Variants in SGSM3 observed in about 807,000 individuals in gnomAD.
SGSM3 encodes small G protein signaling modulator 3.
A neutral mutation model predicts 100.5 loss-of-function variants in SGSM3; 96 were observed. That is an observed-to-expected ratio of 0.96 (90% confidence interval 0.81 to 1.13). The LOEUF (loss-of-function observed/expected upper bound fraction) is 1.13. SGSM3 is among the 50% of genes most tolerant of loss of function. The pLI, the probability that SGSM3 is intolerant of heterozygous loss-of-function variation, is 0.00. For missense variants in SGSM3, 1,001 were observed against 1,015.8 expected, an observed-to-expected ratio of 0.99 and a Z score of 0.20; for synonymous variants, 483 against 422.8, an observed-to-expected ratio of 1.14 and a Z score of -1.75.
chr22:40,397,139 C>T (rs2050150158), intron 1 of SGSM3, among the ~76,000 whole-genome samples: 1 of 152,162 alleles, frequency 6.6e-6, no homozygotes, highest in Non-Finnish European at 1.5e-5. Context: ...AAAACCTGCC[C>T]ACCCAGCTTA....
At chr22:40,401,542 G>C in intron 2 of SGSM3, 51 bp from the exon 3 acceptor site, 1 of 1,475,640 alleles carries the variant, frequency 6.8e-7, no homozygotes, top group African/African-American at 1.4e-5. Context: ...CACTGCGCCT[G>C]GCCTGCCTCT....
chr22:40,407,423 C>T lies in SGSM3; in HGVS notation c.1379C>T (p.Pro460Leu). 1.2e-6 allele frequency: 2 copies of T among 1,612,552 alleles called. No homozygotes were observed. The highest frequency in any genetic ancestry group is 1.7e-6 in the Non-Finnish European group (2 of 1,179,514). ...DPKNCSVELT[P>L]DYSMESHQRD... Reference sequence around the variant, plus strand: ...TGTTCACTGTGGCAGGAGCTGACTCCAGACTATAGCATGGAGAGCCACCAG... The same window carrying T: ...TGTTCACTGTGGCAGGAGCTGACTCTAGACTATAGCATGGAGAGCCACCAG... The change falls in exon 13 of 22, where the codon CCA becomes CTA. Residue 460 changes from proline to leucine, a missense_variant. Transcript: ENST00000248929. The surrounding 1 kb of genome is among the most constrained non-coding windows in gnomAD (Gnocchi z 4.7).
At chr22:40,373,732 C>G (rs973364510) in intron 1 of SGSM3, among the ~76,000 whole-genome samples, 3 of 151,604 alleles carry the variant, frequency 2.0e-5, no homozygotes, top group African/African-American at 7.3e-5. Flanking sequence ...TCTCCTGCCT[C>G]AGCCTCCCGA....
intron 1 of SGSM3, among the ~76,000 whole-genome samples, chr22:40,385,757 G>C (rs1304328588): frequency 6.6e-6 from 1 of 152,236 alleles, no homozygotes; most frequent in Non-Finnish European, 1.5e-5. Flanking sequence ...AACTAGAGAT[G>C]AATGAAGGTT....
chr22:40,392,742 C>T (rs2049525555), intron 1 of SGSM3, among the ~76,000 whole-genome samples: 1 of 152,200 alleles, frequency 6.6e-6, no homozygotes, highest in African/African-American at 2.4e-5. Context: ...GTTTTTCGTA[C>T]ATTCACTATG....
chr22:40,382,666 G>A (rs750648210), intron 1 of SGSM3, among the ~76,000 whole-genome samples: 1 of 152,240 alleles, frequency 6.6e-6, no homozygotes, highest in Admixed American at 6.5e-5. Flanking sequence ...TTCACGGGGA[G>A]TGGATGGGAC....
At chr22:40,399,914 G>T (rs2050516409) in intron 1 of SGSM3, among the ~76,000 whole-genome samples, 1 of 152,242 alleles carries the variant, frequency 6.6e-6, no homozygotes, top group Admixed American at 6.5e-5. Flanking sequence ...GCCAGTGTGT[G>T]TCTGGGGCAG....
rs1206825699 is a variant in SGSM3, at chr22:40,407,993, C to T, written c.1580-78C>T. ...AGCAGCTGAGCCGGCTTCCCACTGCCTCAGCCTGCCTGCAGGCTGTGTCTG... is the reference window on the plus strand; with the variant it reads ...AGCAGCTGAGCCGGCTTCCCACTGCTTCAGCCTGCCTGCAGGCTGTGTCTG... On this transcript the variant is annotated intron_variant, in intron 14 of 21. Transcript: ENST00000248929. This position sits in a 1 kb window ranked among gnomAD's most constrained non-coding sequence, Gnocchi z 4.7. The T allele has an allele frequency of 2.6e-6, 4 of 1,530,768 alleles. No individual in the cohort carries two copies. The highest frequency in any genetic ancestry group is 3.6e-6 in the Non-Finnish European group (4 of 1,118,454). The allele number at this position is 1,530,768 out of a possible 1,614,324, so 94.8% of individuals were successfully genotyped here. A position where few individuals can be genotyped will look rare whatever the true frequency, so the allele number is the denominator to read the frequency against.
At chr22:40,383,405 C>T (rs1401538481) in intron 1 of SGSM3, among the ~76,000 whole-genome samples, 2 of 149,594 alleles carry the variant, frequency 1.3e-5, no homozygotes, top group Non-Finnish European at 3.0e-5. Flanking sequence ...AGGTGGAGCT[C>T]GCAGTGAGCC....
intron 1 of SGSM3, chr22:40,378,245 CAT>C (rs1177389452): frequency 1.2e-4 from 19 of 152,032 alleles, no homozygotes; most frequent in African/African-American, 4.1e-4. Flanking sequence ...CCCTGGGCAA[CAT>C]AGCAAGACCA....
chr22:40,409,307 G>T lies in SGSM3; in HGVS notation c.2046G>T (p.Glu682Asp). ...TCTGCTCCAGCCTGCCCACCGTGGA[G>T]AAGTGGTACCAGCCCTGGTCCTTCC... is the stretch of plus-strand genomic sequence containing the variant. ...EVLCSSLPTV[E>D]KWYQPWSFLR... Residue 682 changes from glutamate (E) to aspartate (D), a missense_variant, in exon 20 of 22, where the codon GAG (glutamate) becomes GAT (aspartate). Glu to Asp is a conservative substitution (Grantham distance 45, BLOSUM62 2). Transcript: ENST00000248929. The T allele has an allele frequency of 6.2e-7, 1 of 1,613,218 alleles. No individual in the cohort carries two copies. Among genetic ancestry groups the T allele is most frequent in the Non-Finnish European group, 8.5e-7 (1 of 1,179,932 alleles).
chr22:40,405,968 C>A, intron 8 of SGSM3, 110 bp from the exon 9 acceptor site: 1 of 1,499,210 alleles, frequency 6.7e-7, no homozygotes, highest in Non-Finnish European at 9.1e-7. Flanking sequence ...CTCTGGTGTT[C>A]CCTGCCCCCT....
Position 40,407,303 on chromosome 22 carries a change from G to A in SGSM3, c.1343G>A (p.Cys448Tyr), listed in dbSNP as rs1569219573. The change falls in exon 12 of 22, where the codon TGC (cysteine) becomes TAC (tyrosine). Residue 448 changes from cysteine to tyrosine, a missense_variant. Physicochemically the swap from Cys to Tyr is radical, Grantham distance 194 (BLOSUM62 -2). Coordinates refer to ENST00000248929, the MANE Select transcript of SGSM3 (RefSeq NM_015705.6). The surrounding 1 kb of genome is among the most constrained non-coding windows in gnomAD (Gnocchi z 4.7). Reference protein sequence around the residue: ...AILRVARHFQCTDPKNCSVEL... With the variant: ...AILRVARHFQYTDPKNCSVEL... ...CTGCGCGTGGCACGCCACTTCCAGT[G>A]CACAGACCCCAAAAACTGCAGCGTG... 3.1e-6 allele frequency: 5 copies of A among 1,613,452 alleles called. No homozygotes were observed. In the African/African-American group the frequency reaches 5.3e-5, roughly 17 times the overall value.
rs562030788 is a variant in SGSM3 at position 40,391,879 on chromosome 22, C to T, written c.-111-8817C>T. Among the ~76,000 whole-genome samples the T allele has an allele frequency of 1.2e-3, 188 of 152,316 alleles. 1 individual carries two copies. The Middle Eastern group carries it at 0.017, about 14-fold the overall frequency. On this transcript the variant is annotated intron_variant, in intron 1 of 21. Transcript: ENST00000248929. ...TCTGACAGCCAGTGTCTCACCCAAA[C>T]CCAGCTCTGGCTGGGCCTGGGAACC...
chr22:40,408,420 T>C lies in SGSM3; in HGVS notation c.1773T>C (p.Phe591=). 1.9e-6 allele frequency: 3 copies of C among 1,613,456 alleles called. No homozygotes were observed. Among genetic ancestry groups the C allele is most frequent in the Admixed American group, 1.7e-5 (1 of 60,016 alleles). ...LLGGACHPWL[F]IEEAAGREVE... ...GGGGCGCCTGCCACCCCTGGCTGTT[T>C]ATCGAGGAGGTAAGTCAGTGGCTGG... Residue 591 remains phenylalanine, a synonymous_variant, in exon 16 of 22, where the codon TTT becomes TTC. Coordinates refer to ENST00000248929, the MANE Select transcript of SGSM3 (RefSeq NM_015705.6).
chr22:40,393,055 G>A (rs756391503), intron 1 of SGSM3, among the ~76,000 whole-genome samples: 4 of 152,182 alleles, frequency 2.6e-5, no homozygotes, highest in Non-Finnish European at 4.4e-5. Context: ...CATTGTCTGC[G>A]TAAGCTACAT....
intron 1 of SGSM3, among the ~76,000 whole-genome samples, chr22:40,371,152 C>A (rs1569113999): frequency 6.6e-6 from 1 of 152,228 alleles, no homozygotes; most frequent in South Asian, 2.1e-4. Flanking sequence ...GGGCTCGGAT[C>A]CAGGCCCGAG....
chr22:40,402,089 G>A (rs2050830059), intron 3 of SGSM3, 50 bp from the exon 4 acceptor site: 1 of 1,400,054 alleles, frequency 7.1e-7, no homozygotes, highest in South Asian at 1.2e-5. Flanking sequence ...CAGACCTGAG[G>A]CCCCCAACTA....
chr22:40,409,620 C>T lies in SGSM3; in HGVS notation c.2173-62C>T, dbSNP rs191440817. The T allele has an allele frequency of 7.7e-4, 1,236 of 1,612,646 alleles. 2 individuals are homozygous for T. The highest frequency in any genetic ancestry group is 9.9e-4 in the Non-Finnish European group (1,169 of 1,178,908). On this transcript the variant is annotated intron_variant, in intron 21 of 21. Coordinates refer to ENST00000248929, the MANE Select transcript of SGSM3 (RefSeq NM_015705.6). ...TGGGAACCCGAAGTGCTGGTGTCAGCGGTTAGGAACTACCCCAGCCATGCC... is the reference window on the plus strand; with the variant it reads ...TGGGAACCCGAAGTGCTGGTGTCAGTGGTTAGGAACTACCCCAGCCATGCC...
Sources: allele counts gnomAD v4.1 joint callset (sites outside exome capture counted in the v4.1 genomes callset), GRCh38; gene constraint gnomAD v4.1.1; non-coding constraint Gnocchi (gnomAD v3.1); transcripts MANE v1.5; gene names NCBI Gene and HGNC (gene_info 2026-07-23, HGNC 2026-07-21).